FGD1: variants seen among roughly 807,000 people sequenced by gnomAD.
The protein encoded by FGD1 is FYVE, RhoGEF and PH domain containing 1, also known as FYVE, RhoGEF and PH domain-containing protein 1.
FGD1 carries 12 observed loss-of-function variants against 65.0 expected under a neutral mutation model. That is an observed-to-expected ratio of 0.18 (90% CI 0.12 to 0.30). The LOEUF (loss-of-function observed/expected upper bound fraction) is 0.30. Among genes scored for constraint, FGD1 ranks in the 10% least tolerant of loss-of-function variants. FGD1 has a pLI of 1.00. For synonymous variants in FGD1, 333 were observed against 343.9 expected (o/e 0.97, Z 0.35); for missense variants, 542 against 837.6 (o/e 0.65, Z 4.36).
intron 17 of FGD1, 143 bp from the exon 18 acceptor site, chrX:54,446,557 G>A: frequency 1.9e-6 from 1 of 527,689 alleles, no homozygotes; most frequent in Admixed American, 3.8e-5. Flanking sequence ...TGGCTCCAGT[G>A]TTATCAACAG....
At chrX:54,472,208 G>A (rs1458565128) in intron 1 of FGD1, among the ~76,000 whole-genome samples, 1 of 109,240 alleles carries the variant, frequency 9.2e-6, no homozygotes, top group Non-Finnish European at 1.9e-5. Flanking sequence ...AGCCTGGGAG[G>A]TGGAGGTTGC....
intron 12 of FGD1, among the ~76,000 whole-genome samples, chrX:54,452,369 C>T (rs1487831293): frequency 1.9e-5 from 2 of 107,306 alleles, no homozygotes; most frequent in African/African-American, 6.8e-5. Flanking sequence ...TTGTAATTTA[C>T]TTTAAAATGG....
chrX:54,493,910 C>CT (rs757020660), intron 1 of FGD1, among the ~76,000 whole-genome samples: 39 of 112,530 alleles, frequency 3.5e-4, no homozygotes, highest in Non-Finnish European at 5.1e-4. Flanking sequence ...TCTGTGGAGC[C>CT]TGAGGTGTGA....
chrX:54,451,972 T>C (rs912925426), intron 12 of FGD1, among the ~76,000 whole-genome samples: 4 of 110,648 alleles, frequency 3.6e-5, no homozygotes, highest in Non-Finnish European at 7.6e-5. Flanking sequence ...CTTTTTATTT[T>C]TAAGAGCCAC....
chrX:54,477,451 T>C (rs1259592568), intron 1 of FGD1, among the ~76,000 whole-genome samples: 3 of 109,425 alleles, frequency 2.7e-5, no homozygotes, highest in African/African-American at 1.0e-4. Flanking sequence ...TTTTTTGAGA[T>C]GGACTTTCGC....
At chrX:54,458,540 C>CAA (rs774218099) in intron 8 of FGD1, among the ~76,000 whole-genome samples, 197 of 16,939 alleles carry the variant, frequency 0.012, 2 homozygotes, top group African/African-American at 0.015. Flanking sequence ...GACTACGTCT[C>CAA]AAAAAAAAAA....
At chrX:54,463,422 A>T (rs1358413899) in intron 8 of FGD1, among the ~76,000 whole-genome samples, 1 of 111,411 alleles carries the variant, frequency 9.0e-6, no homozygotes, top group African/African-American at 3.3e-5. Flanking sequence ...TCCTGAATCC[A>T]ACCATTTCTC....
intron 1 of FGD1, among the ~76,000 whole-genome samples, chrX:54,493,616 A>T: frequency 8.9e-6 from 1 of 111,784 alleles, no homozygotes; most frequent in Non-Finnish European, 1.9e-5. Context: ...CCAATGCAAA[A>T]GTCCTGGGGT....
intron 1 of FGD1, among the ~76,000 whole-genome samples, chrX:54,493,985 C>T (rs911846640): frequency 1.8e-5 from 2 of 112,768 alleles, no homozygotes; most frequent in African/African-American, 6.4e-5. Flanking sequence ...CAGATGTGCG[C>T]TGCTCTTCTT....
intron 1 of FGD1, among the ~76,000 whole-genome samples, chrX:54,491,414 G>T (rs1923409955): frequency 8.9e-6 from 1 of 112,238 alleles, no homozygotes; most frequent in Non-Finnish European, 1.9e-5. Context: ...ATGAGGGCAG[G>T]AGGTTGACTC....
At position 54,495,601 on chromosome X, in the gene FGD1, G is replaced by C. The variant is rs1469249994; in HGVS notation, c.-169C>G. On this transcript the variant is annotated 5_prime_UTR_variant, in exon 1 of 18. Transcript: ENST00000375135. Reference sequence around the variant, plus strand: ...GACTCAAGCCCCCAGCCCGGGCCCGGGCCAGCAGCCGTGGCAGCGGTGGCA... The same window carrying C: ...GACTCAAGCCCCCAGCCCGGGCCCGCGCCAGCAGCCGTGGCAGCGGTGGCA... The C allele has an allele frequency of 1.2e-4, 31 of 258,698 alleles. No homozygotes were observed. The highest frequency in any genetic ancestry group is 8.4e-4 in the African/African-American group (29 of 34,580). 21.3% of individuals were successfully genotyped at this position (258,698 alleles called of 1,213,427 possible).
intron 1 of FGD1, among the ~76,000 whole-genome samples, chrX:54,476,848 T>G (rs1465529777): frequency 9.1e-6 from 1 of 110,337 alleles, no homozygotes; most frequent in Non-Finnish European, 1.9e-5. Context: ...TTTCTTATTT[T>G]TTATTTTTGA....
chrX:54,447,161 C>G (rs1384963513), intron 17 of FGD1, 150 bp downstream of exon 17: 1 of 612,451 alleles, frequency 1.6e-6, no homozygotes, highest in East Asian at 3.6e-5. Context: ...CAGTCTTTGT[C>G]TCTCAAGGGT....
At chrX:54,474,934 A>G (rs1922985588) in intron 1 of FGD1, among the ~76,000 whole-genome samples, 1 of 112,651 alleles carries the variant, frequency 8.9e-6, no homozygotes, top group Non-Finnish European at 1.9e-5. Context: ...CAAAGCAGGC[A>G]GGCCTCTCTG....
chrX:54,477,132 T>A (rs927445450), intron 1 of FGD1, among the ~76,000 whole-genome samples: 2 of 112,690 alleles, frequency 1.8e-5, no homozygotes, highest in African/African-American at 6.4e-5. Flanking sequence ...CACTCGGACA[T>A]CTCTTGTCAC....
chrX:54,482,236 G>GCGCACACGCACACACACACACA (rs796491256), intron 1 of FGD1, among the ~76,000 whole-genome samples: 1 of 99,367 alleles, frequency 1.0e-5, no homozygotes, highest in Admixed American at 1.1e-4. Flanking sequence ...GCACACGCGC[G>GCGCACACGCACACACACACACA]CACACACACA....
intron 8 of FGD1, among the ~76,000 whole-genome samples, chrX:54,461,633 G>GAA (rs1304883224): frequency 1.1e-5 from 1 of 88,424 alleles, no homozygotes; most frequent in African/African-American, 4.0e-5. Context: ...AAAAGAAAAA[G>GAA]AAAAAAGAAA....
chrX:54,487,461 A>T (rs927523104), intron 1 of FGD1, among the ~76,000 whole-genome samples: 1 of 112,275 alleles, frequency 8.9e-6, no homozygotes, highest in Non-Finnish European at 1.9e-5. Context: ...GACACAAACA[A>T]ATGGGAAAAC....
rs1206182735 is a variant in FGD1, at chrX:54,495,307, C to T, written c.126G>A (p.Leu42=). ...DSDPGASEPG[L]LARRGSGSAL... is the part of the protein sequence containing the mutation. ...CCGAACCTGAGCCCCTGCGCGCCAGCAGTCCGGGTTCCGAGGCTCCAGGGT... is the reference window on the plus strand; with the variant it reads ...CCGAACCTGAGCCCCTGCGCGCCAGTAGTCCGGGTTCCGAGGCTCCAGGGT... Residue 42 remains leucine (L), a synonymous_variant, in exon 1 of 18, where the codon CTG becomes CTA. Coordinates refer to ENST00000375135, the MANE Select transcript of FGD1 (RefSeq NM_004463.3). 1 of 1,177,802 alleles carries T rather than the reference C, an allele frequency of 8.5e-7. No homozygotes were observed. Among genetic ancestry groups the T allele is most frequent in the Non-Finnish European group, 1.1e-6 (1 of 880,177 alleles).
Sources: gnomAD v4.1 joint callset for allele counts (sites outside exome capture counted in the v4.1 genomes callset) on GRCh38, gnomAD v4.1.1 for gene constraint, MANE v1.5 for transcripts, NCBI Gene and HGNC (gene_info 2026-07-23, HGNC 2026-07-21) for gene names.